The following CHM variants were observed in gnomAD, a reference collection of about 807,000 sequenced individuals.
CHM encodes rab proteins geranylgeranyltransferase component A 1.
A neutral mutation model predicts 49.0 loss-of-function variants in CHM; 10 were observed. That is an observed-to-expected ratio of 0.20 (90% CI 0.13 to 0.35). The LOEUF (loss-of-function observed/expected upper bound fraction) is 0.35, where lower values mean the gene tolerates loss of function less well. CHM is among the 10% of genes least tolerant of loss of function. CHM has a pLI of 1.00. For synonymous variants in CHM, 184 were observed against 167.5 expected, an observed-to-expected ratio of 1.10 and a Z score of -0.76; for missense variants, 455 against 478.4, an observed-to-expected ratio of 0.95 and a Z score of 0.46.
At chrX:85,936,952 T>C (rs1176859429) in intron 8 of CHM, among the ~76,000 whole-genome samples, 1 of 111,684 alleles carries the variant, frequency 9.0e-6, no homozygotes, top group African/African-American at 3.3e-5. Context: ...TCAAGAATTA[T>C]CTTGAACAAT....
At chrX:85,941,767 A>T (rs1929126556) in intron 8 of CHM, among the ~76,000 whole-genome samples, 2 of 111,441 alleles carry the variant, frequency 1.8e-5, no homozygotes, top group East Asian at 5.7e-4. Context: ...ACGAAAAAAA[A>T]AATCGCTGAT....
chrX:85,927,907 AC>A (rs1928185967), intron 8 of CHM, among the ~76,000 whole-genome samples: 1 of 112,192 alleles, frequency 8.9e-6, no homozygotes, highest in Non-Finnish European at 1.9e-5. Flanking sequence ...AAACAGTATG[AC>A]CCACTAATAG....
chrX:85,917,476 C>A (rs1326462129), intron 8 of CHM, among the ~76,000 whole-genome samples: 1 of 111,323 alleles, frequency 9.0e-6, no homozygotes, highest in Admixed American at 9.6e-5. Flanking sequence ...AAAAAACAAA[C>A]AAAATACAAT....
intron 4 of CHM, among the ~76,000 whole-genome samples, chrX:85,972,412 G>A (rs967427496): frequency 3.5e-5 from 4 of 113,291 alleles, no homozygotes; most frequent in African/African-American, 1.3e-4. Flanking sequence ...AGCAGGGGGC[G>A]GCATTTGTCG....
At chrX:86,042,861 G>A (rs1934524189) in intron 1 of CHM, among the ~76,000 whole-genome samples, 1 of 109,758 alleles carries the variant, frequency 9.1e-6, no homozygotes, top group Non-Finnish European at 1.9e-5. Context: ...GATCCTGCAA[G>A]AACGAATTCA....
At chrX:85,989,217 T>C (rs1425335080) in intron 2 of CHM, among the ~76,000 whole-genome samples, 1 of 111,184 alleles carries the variant, frequency 9.0e-6, no homozygotes, top group Non-Finnish European at 1.9e-5. Context: ...CACCTGATCT[T>C]CGACAAAGCT....
chrX:85,912,222 G>A (rs1453663599), intron 8 of CHM, among the ~76,000 whole-genome samples: 2 of 111,251 alleles, frequency 1.8e-5, no homozygotes, highest in Non-Finnish European at 3.8e-5. Flanking sequence ...AAAATATCAT[G>A]AGAAGTGGTT....
rs61260365 is a variant in CHM, at chrX:85,885,338, G to A, written c.1511-6275C>T. ...AAAAATACATCTTCACATATAGATT[G>A]TTATGGCTAATGAATAATGGACAAA... On this transcript the variant is annotated intron_variant, in intron 12 of 14. Coordinates refer to ENST00000357749, the MANE Select transcript of CHM (RefSeq NM_000390.4). Among the ~76,000 whole-genome samples, 631 of 109,361 alleles carry A rather than the reference G, an allele frequency of 5.8e-3. 4 individuals are homozygous for A. The highest frequency in any genetic ancestry group is 0.015 in the Middle Eastern group (3 of 206). 95.0% of individuals were successfully genotyped at this position (109,361 alleles called of 115,157 possible). A position where few individuals can be genotyped will look rare whatever the true frequency, so the allele number is the denominator to read the frequency against.
rs960461332 is a variant in CHM, at chrX:85,996,154, T to C, written c.117-14345A>G. ...CTTTTGCTGTAAAGAAAATATAAACTAACCAACCTTAATTTCCAAACAAGC... is the reference window on the plus strand; with the variant it reads ...CTTTTGCTGTAAAGAAAATATAAACCAACCAACCTTAATTTCCAAACAAGC... On this transcript the variant is annotated intron_variant, in intron 2 of 14. Transcript: ENST00000357749. 2.7e-5 allele frequency among the ~76,000 whole-genome samples: 3 copies of C among 112,076 alleles called. No homozygotes were observed. In the South Asian group the frequency reaches 1.1e-3, roughly 41 times the overall value.
chrX:86,003,331 TA>T (rs1474595292), intron 2 of CHM, among the ~76,000 whole-genome samples: 16 of 112,359 alleles, frequency 1.4e-4, no homozygotes, highest in African/African-American at 5.2e-4. Context: ...CTGAAAATTC[TA>T]AAAATAACAG....
intron 2 of CHM, among the ~76,000 whole-genome samples, chrX:86,002,362 CTT>C (rs56720535): frequency 9.2e-6 from 1 of 108,266 alleles, no homozygotes; most frequent in Non-Finnish European, 1.9e-5. Context: ...GTGTCTGGGT[CTT>C]TTTTTTTTAC....
chrX:86,037,399 G>A (rs1603286230), intron 1 of CHM, among the ~76,000 whole-genome samples: 1 of 111,157 alleles, frequency 9.0e-6, no homozygotes, highest in Non-Finnish European at 1.9e-5. Flanking sequence ...TTACAGGTGT[G>A]AGCCACTGTG....
intron 4 of CHM, chrX:85,970,212 T>C: frequency 1.6e-6 from 1 of 641,954 alleles, no homozygotes; most frequent in Non-Finnish European, 1.9e-6. Context: ...TATATACAAT[T>C]ATTATGTATC....
At chrX:85,967,769 T>A (rs1930659935) in intron 4 of CHM, among the ~76,000 whole-genome samples, 1 of 111,950 alleles carries the variant, frequency 8.9e-6, no homozygotes, top group Non-Finnish European at 1.9e-5. Flanking sequence ...TGCTTAACAC[T>A]GCTTTTTGTA....
At chrX:85,913,563 G>A (rs1406544186) in intron 8 of CHM, among the ~76,000 whole-genome samples, 2 of 109,497 alleles carry the variant, frequency 1.8e-5, no homozygotes, top group Non-Finnish European at 3.8e-5. Flanking sequence ...GAAAAGACAA[G>A]GAACAGATTC....
intron 8 of CHM, among the ~76,000 whole-genome samples, chrX:85,935,698 C>T (rs1473153273): frequency 8.9e-6 from 1 of 111,957 alleles, no homozygotes; most frequent in Non-Finnish European, 1.9e-5. Flanking sequence ...TATATGTGGT[C>T]TGTTGTTGAC....
intron 11 of CHM, among the ~76,000 whole-genome samples, chrX:85,899,234 A>G (rs1033592782): frequency 9.0e-6 from 1 of 111,315 alleles, no homozygotes; most frequent in Non-Finnish European, 1.9e-5. Context: ...AGGCATAATG[A>G]CATTCCTCTA....
chrX:85,870,492 A>T (rs992893660), intron 14 of CHM, among the ~76,000 whole-genome samples: 5 of 111,918 alleles, frequency 4.5e-5, no homozygotes, highest in Non-Finnish European at 9.4e-5. Flanking sequence ...GCCCAGCCCA[A>T]CATCAGCCAA....
intron 8 of CHM, among the ~76,000 whole-genome samples, chrX:85,941,676 T>C (rs185786627): frequency 9.0e-6 from 1 of 111,569 alleles, no homozygotes; most frequent in East Asian, 2.8e-4. Flanking sequence ...TGTTAACATA[T>C]TGTCTATGGC....
Sources: allele counts gnomAD v4.1 joint callset (sites outside exome capture counted in the v4.1 genomes callset), GRCh38; gene constraint gnomAD v4.1.1; transcripts MANE v1.5; gene names NCBI Gene and HGNC (gene_info 2026-07-23, HGNC 2026-07-21).